Variants in HHIP observed in about 807,000 individuals in gnomAD.
The protein encoded by HHIP is hedgehog interacting protein, also known as hedgehog-interacting protein.
Under a neutral mutation model 74.0 loss-of-function variants are expected in HHIP, and 12 were observed. The observed-to-expected ratio is 0.16, with a 90% CI of 0.10 to 0.26. The LOEUF (loss-of-function observed/expected upper bound fraction) is 0.26, where lower values mean the gene tolerates loss of function less well. HHIP is among the 10% of genes least tolerant of loss of function. The pLI, the probability that HHIP is intolerant of heterozygous loss-of-function variation, is 1.00. For synonymous variants in HHIP, 309 were observed against 311.6 expected (o/e 0.99, Z 0.09); for missense variants, 788 against 845.0 (o/e 0.93, Z 0.84).
Position 144,740,411 on chromosome 4 carries a change from A to G in HHIP, c.*2454A>G, listed in dbSNP as rs1731234410. 6.6e-6 allele frequency: 1 copy of G among 152,178 alleles called. No individual in the cohort carries two copies. Among genetic ancestry groups the G allele is most frequent in the South Asian group, 2.1e-4 (1 of 4,824 alleles). The allele number at this position is 152,178 out of a possible 1,614,324, so 9.4% of individuals were successfully genotyped here. Reference sequence around the variant, plus strand: ...AGGTGTCATTGCCTTTTCTTTTGTGAGTCATTAGAATGAAAGGCCAAGTTC... The same window carrying G: ...AGGTGTCATTGCCTTTTCTTTTGTGGGTCATTAGAATGAAAGGCCAAGTTC... On this transcript the variant is annotated 3_prime_UTR_variant, in exon 13 of 13. Coordinates refer to ENST00000296575, the MANE Select transcript of HHIP (RefSeq NM_022475.3).
chr4:144,647,661 T>C (rs149092359), intron 1 of HHIP, among the ~76,000 whole-genome samples: 2 of 152,028 alleles, frequency 1.3e-5, no homozygotes, highest in East Asian at 3.9e-4. Context: ...TTAAGAGTAA[T>C]GGCATTTACG....
intron 11 of HHIP, among the ~76,000 whole-genome samples, chr4:144,720,617 C>A (rs1356552830): frequency 6.6e-6 from 1 of 151,972 alleles, no homozygotes; most frequent in Non-Finnish European, 1.5e-5. Flanking sequence ...GAGTGACATA[C>A]CTGAAGGCCT....
At chr4:144,722,906 C>T (rs553178263) in intron 11 of HHIP, among the ~76,000 whole-genome samples, 17 of 152,000 alleles carry the variant, frequency 1.1e-4, no homozygotes, top group Middle Eastern at 6.8e-3. Flanking sequence ...ACCTTGGATG[C>T]TCTTTGCTAA....
intron 4 of HHIP, among the ~76,000 whole-genome samples, chr4:144,670,224 G>A (rs1393331188): frequency 6.6e-6 from 1 of 151,888 alleles, no homozygotes; most frequent in East Asian, 1.9e-4. Flanking sequence ...ACTTTGGGAG[G>A]CTGAGGCCGG....
intron 4 of HHIP, among the ~76,000 whole-genome samples, chr4:144,684,479 C>CCTAAAA (rs1478518511): frequency 6.6e-6 from 1 of 150,946 alleles, no homozygotes; most frequent in Non-Finnish European, 1.5e-5. Flanking sequence ...CGTGGTTTCA[C>CCTAAAA]CGTGTTAGCT....
At chr4:144,650,935 C>A (rs1299322199) in intron 1 of HHIP, 2 of 152,042 alleles carry the variant, frequency 1.3e-5, no homozygotes, top group Admixed American at 1.3e-4. Flanking sequence ...TGGAAGAATG[C>A]ATAATCTCCA....
At chr4:144,674,295 T>C (rs751689964) in intron 4 of HHIP, among the ~76,000 whole-genome samples, 1 of 152,230 alleles carries the variant, frequency 6.6e-6, no homozygotes, top group Non-Finnish European at 1.5e-5. Context: ...TTTTAACTTC[T>C]AGCAATTTTT....
At chr4:144,674,798 A>T (rs1382966000) in intron 4 of HHIP, among the ~76,000 whole-genome samples, 1 of 152,142 alleles carries the variant, frequency 6.6e-6, no homozygotes, top group Non-Finnish European at 1.5e-5. Flanking sequence ...ATGCTTCTTA[A>T]AAGTGAATTC....
At chr4:144,663,960 C>T (rs1051047804) in intron 4 of HHIP, among the ~76,000 whole-genome samples, 5 of 152,294 alleles carry the variant, frequency 3.3e-5, no homozygotes, top group South Asian at 2.1e-4. Context: ...AGGATATGCC[C>T]GCACCTGTCA....
intron 10 of HHIP, among the ~76,000 whole-genome samples, chr4:144,716,551 A>G (rs918169986): frequency 6.6e-6 from 1 of 152,154 alleles, no homozygotes; most frequent in Non-Finnish European, 1.5e-5. Context: ...AATGATTTCA[A>G]ATTTAAAAGA....
chr4:144,723,236 T>C (rs533646823), intron 11 of HHIP, among the ~76,000 whole-genome samples: 16 of 152,228 alleles, frequency 1.1e-4, no homozygotes, highest in Admixed American at 3.3e-4. Flanking sequence ...CCTTAATAAG[T>C]CTATAAATTA....
rs1446051593 is a variant in HHIP, at chr4:144,742,832, G to A, written c.*4875G>A. On this transcript the variant is annotated 3_prime_UTR_variant, in exon 13 of 13. Coordinates refer to ENST00000296575, the MANE Select transcript of HHIP (RefSeq NM_022475.3). Reference sequence around the variant, plus strand: ...TTATATATATGGTTATATATATTTGGTTATATATATATCTTTATATATATA... The same window carrying A: ...TTATATATATGGTTATATATATTTGATTATATATATATCTTTATATATATA... 3 of 134,368 alleles carry A rather than the reference G, an allele frequency of 2.2e-5. No individual in the cohort carries two copies. Among genetic ancestry groups the A allele is most frequent in the Non-Finnish European group, 4.8e-5 (3 of 62,954 alleles). 8.3% of individuals were successfully genotyped at this position (134,368 alleles called of 1,614,324 possible).
chr4:144,736,591 T>C (rs1237682355), intron 12 of HHIP, among the ~76,000 whole-genome samples: 1 of 150,444 alleles, frequency 6.6e-6, no homozygotes, highest in Non-Finnish European at 1.5e-5. Context: ...CAGATGGCAC[T>C]ATATATACCT....
chr4:144,715,349 A>G lies in HHIP; in HGVS notation c.1597A>G (p.Lys533Glu). The G allele has an allele frequency of 6.2e-7, 1 of 1,613,532 alleles. No homozygotes were observed. The highest frequency in any genetic ancestry group is 8.5e-7 in the Non-Finnish European group (1 of 1,179,524). ...TCCTGTGACAAAGCAGTGGCAAGAA[A>G]AACCACTCTGTCTCGGCACTAGTGG... ...QSPVTKQWQE[K>E]PLCLGTSGSC... is the part of the protein sequence containing the mutation. Residue 533 changes from lysine to glutamate, a missense_variant, in exon 10 of 13, where the codon AAA becomes GAA. Physicochemically the swap from Lys to Glu is moderately conservative, Grantham distance 56. Coordinates refer to ENST00000296575, the MANE Select transcript of HHIP (RefSeq NM_022475.3).
Position 144,716,854 on chromosome 4 carries a change from G to GAAAAA in HHIP, c.1678+1454_1678+1458dup, listed in dbSNP as rs869028218. Among the ~76,000 whole-genome samples the GAAAAA allele has an allele frequency of 6.3e-3, 345 of 54,678 alleles. 17 individuals are homozygous for GAAAAA. The highest frequency in any genetic ancestry group is 6.9e-3 in the Non-Finnish European group (204 of 29,368). The allele number at this position is 54,678 out of a possible 152,430, so 35.9% of individuals were successfully genotyped here. A position where few individuals can be genotyped will look rare whatever the true frequency, so the allele number is the denominator to read the frequency against. On this transcript the variant is annotated intron_variant, in intron 10 of 12. Coordinates refer to ENST00000296575, the MANE Select transcript of HHIP (RefSeq NM_022475.3). The stretch of plus-strand genomic sequence containing the variant: ...ACATGAGCAAAACTCCGTCTCAAAA[G>GAAAAA]AAAAAAAAAAAAAAAAAAAAAAAAA...
In HHIP at chr4:144,652,812, T is replaced by C. The variant is rs1460386000; in HGVS notation, c.472+15T>C. On this transcript the variant is annotated intron_variant, in intron 2 of 12. Transcript: ENST00000296575. ...CCATATTCCAGGTAAGAAAAAAAAA[T>C]GCATAAGTAAAATAAACCACTGCAC... is the stretch of plus-strand genomic sequence containing the variant. 2 of 1,432,176 alleles carry C rather than the reference T, an allele frequency of 1.4e-6. No individual in the cohort carries two copies. The highest frequency in any genetic ancestry group is 2.3e-5 in the East Asian group (1 of 43,518). 88.7% of individuals were successfully genotyped at this position (1,432,176 alleles called of 1,614,324 possible).
intron 11 of HHIP, among the ~76,000 whole-genome samples, chr4:144,732,281 C>T (rs144261699): frequency 2.9e-4 from 44 of 152,032 alleles, no homozygotes; most frequent in African/African-American, 7.5e-4. Context: ...TAATTTCTCC[C>T]GGTATTTAAA....
intron 4 of HHIP, among the ~76,000 whole-genome samples, chr4:144,672,348 G>A (rs1729060545): frequency 6.6e-6 from 1 of 152,258 alleles, no homozygotes; most frequent in African/African-American, 2.4e-5. Context: ...TGAGATTTCA[G>A]GTTTCAGTTA....
chr4:144,678,052 C>G (rs1352956319), intron 4 of HHIP, among the ~76,000 whole-genome samples: 1 of 152,132 alleles, frequency 6.6e-6, no homozygotes, highest in East Asian at 1.9e-4. Flanking sequence ...AAAAAGGAGT[C>G]GCTGAATCCT....
Sources: allele counts gnomAD v4.1 joint callset (sites outside exome capture counted in the v4.1 genomes callset), GRCh38; gene constraint gnomAD v4.1.1; transcripts MANE v1.5; gene names NCBI Gene and HGNC (gene_info 2026-07-23, HGNC 2026-07-21).